NANOS3: variants seen among roughly 807,000 people sequenced by gnomAD.
NANOS3 encodes the protein nanos C2HC-type zinc finger 3.
NANOS3 carries 11 observed loss-of-function variants against 13.8 expected under a neutral mutation model. The ratio of observed to expected loss-of-function variants is 0.80; its 90% CI spans 0.50 to 1.32. NANOS3 has a LOEUF of 1.32. Ranked by LOEUF, NANOS3 falls within the 40% of genes most tolerant of loss-of-function variation. The pLI is 0.00. For synonymous variants in NANOS3, 119 were observed against 115.4 expected, an observed-to-expected ratio of 1.03 and a Z score of -0.20; for missense variants, 221 against 263.8, an observed-to-expected ratio of 0.84 and a Z score of 1.12.
rs548933936 is a variant in NANOS3, at chr19:13,878,678, G to A, written c.517+913G>A. Among the ~76,000 whole-genome samples, 22 of 148,262 alleles carry A rather than the reference G, an allele frequency of 1.5e-4. No individual in the cohort carries two copies. In the East Asian group the frequency reaches 2.0e-3, roughly 13 times the overall value. The stretch of plus-strand genomic sequence containing the variant: ...CAGGCTGGATGGAGTTCAGTGGTGC[G>A]ATCTTGGCTCACTGCAACCTCTGCC... On this transcript the variant is annotated intron_variant, in intron 1 of 1. Coordinates refer to ENST00000339133, the MANE Select transcript of NANOS3 (RefSeq NM_001098622.3).
At chr19:13,866,905 G>A (rs910242088) in intron 1 of NANOS3, among the ~76,000 whole-genome samples, 3 of 151,904 alleles carry the variant, frequency 2.0e-5, no homozygotes, top group East Asian at 1.9e-4. Context: ...ACACACAGAC[G>A]GTACAAGGCC....
chr19:13,862,883 C>T (rs537195294), upstream of NANOS3, among the ~76,000 whole-genome samples: 16 of 152,344 alleles, frequency 1.1e-4, no homozygotes, highest in African/African-American at 3.6e-4. Flanking sequence ...AAGGGCAGGC[C>T]CCATCTGGGC....
At chr19:13,871,372 C>T (rs1976325128) in intron 1 of NANOS3, among the ~76,000 whole-genome samples, 1 of 152,128 alleles carries the variant, frequency 6.6e-6, no homozygotes, top group Non-Finnish European at 1.5e-5. Context: ...GACAGGTGGA[C>T]CCAGATGGAC....
At chr19:13,874,957 C>T (rs199639120), upstream of NANOS3, 41 of 529,422 alleles carry the variant, frequency 7.7e-5, no homozygotes, top group Non-Finnish European at 1.4e-4. Context: ...CCAGACCCAC[C>T]GGGGGATGAA....
chr19:13,873,793 C>T (rs951579733), upstream of NANOS3, among the ~76,000 whole-genome samples: 4 of 152,106 alleles, frequency 2.6e-5, no homozygotes, highest in East Asian at 3.9e-4. Flanking sequence ...CTTCCTAGGC[C>T]GTCCGCAGAC....
In NANOS3 at chr19:13,877,696, A is replaced by G; in HGVS notation, c.448A>G (p.Lys150Glu). ...SHTTRNSAGK[K>E]LVRPDKAKTQ... The stretch of plus-strand genomic sequence containing the variant: ...CACCACCCGAAACTCGGCAGGCAAG[A>G]AGCTGGTCCGGCCTGACAAGGCGAA... Residue 150 changes from lysine (K) to glutamate (E), a missense_variant, in exon 1 of 2, where the codon AAG becomes GAG. Lys to Glu is a moderately conservative substitution (Grantham distance 56). Transcript: ENST00000339133. The G allele has an allele frequency of 3.7e-6, 6 of 1,609,890 alleles. No homozygotes were observed. The highest frequency in any genetic ancestry group is 5.1e-6 in the Non-Finnish European group (6 of 1,178,980).
At chr19:13,874,187 C>G (rs1361334711), upstream of NANOS3, among the ~76,000 whole-genome samples, 1 of 152,206 alleles carries the variant, frequency 6.6e-6, no homozygotes, top group African/African-American at 2.4e-5. Flanking sequence ...GACCCCCCAC[C>G]CCCAAGCGCT....
At chr19:13,866,157 C>T (rs1279079858) in intron 1 of NANOS3, among the ~76,000 whole-genome samples, 1 of 152,156 alleles carries the variant, frequency 6.6e-6, no homozygotes, top group Admixed American at 6.5e-5. Context: ...AGGAACCCGC[C>T]CTCCAAAACT....
At chr19:13,862,458 G>A (rs1297151175), upstream of NANOS3, among the ~76,000 whole-genome samples, 1 of 152,212 alleles carries the variant, frequency 6.6e-6, no homozygotes, top group Non-Finnish European at 1.5e-5. Flanking sequence ...AATTCAGCGA[G>A]CAGGACAGCT....
chr19:13,878,781 GT>G lies in NANOS3; in HGVS notation c.517+1026del, dbSNP rs961896974. On this transcript the variant is annotated intron_variant, in intron 1 of 1. Transcript: ENST00000339133. Reference sequence around the variant, plus strand: ...AGGCGTGCACCACCATTCCTGGTGTGTTTTTTTTTTCCTCCCATAGAAACAG... The same window carrying G: ...AGGCGTGCACCACCATTCCTGGTGTGTTTTTTTTTCCTCCCATAGAAACAG... Among the ~76,000 whole-genome samples the G allele has an allele frequency of 7.0e-4, 102 of 144,854 alleles. 1 individual carries two copies. The South Asian group carries it at 0.012, about 17-fold the overall frequency.
upstream of NANOS3, among the ~76,000 whole-genome samples, chr19:13,876,698 C>CAT (rs1968520636): frequency 6.6e-6 from 1 of 151,960 alleles, no homozygotes; most frequent in African/African-American, 2.4e-5. Context: ...CCTGGACACA[C>CAT]ACACACACAA....
At chr19:13,868,491 A>G (rs1490965452) in intron 1 of NANOS3, among the ~76,000 whole-genome samples, 1 of 151,858 alleles carries the variant, frequency 6.6e-6, no homozygotes, top group Admixed American at 6.6e-5. Flanking sequence ...TGGGAGGCCG[A>G]GGTGGCAGGA....
intron 1 of NANOS3, among the ~76,000 whole-genome samples, chr19:13,865,985 G>GAGA (rs1178864327): frequency 6.6e-6 from 1 of 152,040 alleles, no homozygotes; most frequent in Non-Finnish European, 1.5e-5. Context: ...CGGGCCTGCG[G>GAGA]AGACCGATCC....
intron 1 of NANOS3, 81 bp downstream of exon 1, chr19:13,877,846 C>T (rs1968551238): frequency 9.5e-6 from 14 of 1,475,554 alleles, no homozygotes; most frequent in African/African-American, 1.4e-5. Flanking sequence ...GCCCCAGTAC[C>T]CACCTCCAAG....
At chr19:13,880,360 C>T (rs1196368545) in intron 1 of NANOS3, 82 bp from the exon 2 acceptor site, 3 of 1,357,092 alleles carry the variant, frequency 2.2e-6, no homozygotes, top group Non-Finnish European at 3.1e-6. Context: ...CCAGCAGGCC[C>T]GGAGGCCGAG....
chr19:13,865,705 C>T (rs1471366088), intron 1 of NANOS3, among the ~76,000 whole-genome samples: 1 of 151,144 alleles, frequency 6.6e-6, no homozygotes, highest in Non-Finnish European at 1.5e-5. Flanking sequence ...AGGGGACAGA[C>T]CCCCGAGTCC....
intron 1 of NANOS3, 62 bp downstream of exon 1, chr19:13,877,827 G>C: frequency 6.7e-7 from 1 of 1,499,676 alleles, no homozygotes; most frequent in Non-Finnish European, 8.9e-7. Context: ...CCCCTGTGAA[G>C]TAAGATTAGC....
At chr19:13,872,803 A>C (rs1317607625), upstream of NANOS3, among the ~76,000 whole-genome samples, 1 of 151,896 alleles carries the variant, frequency 6.6e-6, no homozygotes, top group African/African-American at 2.4e-5. Flanking sequence ...GAGCTGCGAG[A>C]GAGGGCGCCC....
chr19:13,880,092 T>C (rs1418678659), intron 1 of NANOS3, among the ~76,000 whole-genome samples: 2 of 152,242 alleles, frequency 1.3e-5, no homozygotes, highest in African/African-American at 4.8e-5. Context: ...GGTTTGATGC[T>C]GTCTCACTGG....
Sources: gnomAD v4.1 joint callset for allele counts (sites outside exome capture counted in the v4.1 genomes callset) on GRCh38, gnomAD v4.1.1 for gene constraint, MANE v1.5 for transcripts, NCBI Gene and HGNC (gene_info 2026-07-23, HGNC 2026-07-21) for gene names.